ROBO2: variants seen among roughly 807,000 people sequenced by gnomAD.
ROBO2 encodes roundabout guidance receptor 2.
In ROBO2, 53 loss-of-function variants were observed where a neutral mutation model predicts 160.8. The ratio of observed to expected loss-of-function variants is 0.33; its 90% CI spans 0.26 to 0.41. ROBO2 has a LOEUF of 0.41. Among genes scored for constraint, ROBO2 ranks in the 10% least tolerant of loss-of-function variants. The pLI is 1.00. For synonymous variants in ROBO2, 664 were observed against 611.7 expected (o/e 1.09, Z -1.26); for missense variants, 1,577 against 1,722.4 (o/e 0.92, Z 1.49).
chr3:76,847,536 A>T (rs917853958), intron 2 of ROBO2, among the ~76,000 whole-genome samples: 3 of 152,180 alleles, frequency 2.0e-5, no homozygotes, highest in African/African-American at 4.8e-5. Flanking sequence ...AAAATAAAAA[A>T]TCTTGTAAGA....
At chr3:76,387,563 G>A (rs192327626) in intron 2 of ROBO2, among the ~76,000 whole-genome samples, 1 of 152,258 alleles carries the variant, frequency 6.6e-6, no homozygotes, top group Non-Finnish European at 1.5e-5. Flanking sequence ...CTGAATGAAT[G>A]TGCCAGATAT....
At chr3:77,360,400 G>T (rs1581332627) in intron 2 of ROBO2, among the ~76,000 whole-genome samples, 1 of 152,174 alleles carries the variant, frequency 6.6e-6, no homozygotes, top group Admixed American at 6.5e-5. Context: ...GGGTGGAGAG[G>T]AAAGGTGGGA....
intron 2 of ROBO2, among the ~76,000 whole-genome samples, chr3:76,184,974 A>C (rs1423271020): frequency 6.6e-6 from 1 of 151,308 alleles, no homozygotes; most frequent in Non-Finnish European, 1.5e-5. Flanking sequence ...TACCTAGTCC[A>C]CTCAGATTCA....
Position 76,079,124 on chromosome 3 carries a change from C to T in ROBO2, c.109+141522C>T, listed in dbSNP as rs1002605793. Among the ~76,000 whole-genome samples, 19 of 152,146 alleles carry T rather than the reference C, an allele frequency of 1.2e-4. No individual in the cohort carries two copies. The East Asian group carries it at 3.7e-3, about 29-fold the overall frequency. On this transcript the variant is annotated intron_variant, in intron 2 of 26. Coordinates refer to the ROBO2 transcript ENST00000487694. ...AATTGATCTTATAGATATAGGAAAA[C>T]AATGGTTATAATAAACTGGGAAGGG...
At chr3:77,332,575 TAA>T (rs768904062) in intron 2 of ROBO2, among the ~76,000 whole-genome samples, 42 of 152,314 alleles carry the variant, frequency 2.8e-4, no homozygotes, top group Admixed American at 1.2e-3. Flanking sequence ...GTTATGCACA[TAA>T]CATAGCATAA....
At chr3:76,409,959 C>T (rs997904100) in intron 2 of ROBO2, among the ~76,000 whole-genome samples, 4 of 152,094 alleles carry the variant, frequency 2.6e-5, no homozygotes, top group Non-Finnish European at 5.9e-5. Context: ...TTTATAATTG[C>T]TCATTTTATA....
intron 2 of ROBO2, among the ~76,000 whole-genome samples, chr3:76,374,997 C>A (rs1001952614): frequency 2.0e-5 from 3 of 150,970 alleles, no homozygotes; most frequent in African/African-American, 7.3e-5. Flanking sequence ...TTATAAGAAC[C>A]CCTCCAGAGT....
intron 2 of ROBO2, among the ~76,000 whole-genome samples, chr3:77,256,762 A>G (rs1334959223): frequency 1.3e-5 from 2 of 152,184 alleles, no homozygotes; most frequent in Non-Finnish European, 2.9e-5. Context: ...ACACCAAAAC[A>G]AACAAACTCT....
At chr3:76,948,866 G>A (rs1444980422) in intron 2 of ROBO2, among the ~76,000 whole-genome samples, 4 of 112,418 alleles carry the variant, frequency 3.6e-5, no homozygotes, top group South Asian at 2.8e-4. Context: ...CACCACACCC[G>A]GCTAATTTTA....
chr3:76,684,229 T>A (rs2092637134), intron 2 of ROBO2, among the ~76,000 whole-genome samples: 1 of 152,152 alleles, frequency 6.6e-6, no homozygotes, highest in South Asian at 2.1e-4. Flanking sequence ...CCCTTTCTTC[T>A]CTCTTGTTCT....
chr3:76,744,269 T>C (rs1027618661), intron 2 of ROBO2, among the ~76,000 whole-genome samples: 1 of 152,092 alleles, frequency 6.6e-6, no homozygotes, highest in African/African-American at 2.4e-5. Context: ...AGGTTTCTTC[T>C]CCGCCTGTTA....
intron 2 of ROBO2, among the ~76,000 whole-genome samples, chr3:76,083,542 G>A (rs2068908066): frequency 6.6e-6 from 1 of 152,022 alleles, no homozygotes; most frequent in African/African-American, 2.4e-5. Flanking sequence ...TGTGATTTTT[G>A]CATTTTAAAT....
chr3:76,232,733 G>A (rs1304399450), intron 2 of ROBO2, among the ~76,000 whole-genome samples: 1 of 152,102 alleles, frequency 6.6e-6, no homozygotes, highest in African/African-American at 2.4e-5. Flanking sequence ...ACAGATTACA[G>A]CCAGGCATTT....
At chr3:76,437,199 G>A (rs1022962277) in intron 2 of ROBO2, among the ~76,000 whole-genome samples, 3 of 152,050 alleles carry the variant, frequency 2.0e-5, no homozygotes, top group Non-Finnish European at 2.9e-5. Context: ...ACATAATTCG[G>A]TATAGAATGG....
chr3:76,434,772 T>G, intron 2 of ROBO2: 2 of 1,238,586 alleles, frequency 1.6e-6, no homozygotes, highest in Non-Finnish European at 1.2e-6. Context: ...CTCAGCCCTG[T>G]TTGCGCAGAT....
At chr3:77,639,099 G>A (rs2095310744) in intron 24 of ROBO2, among the ~76,000 whole-genome samples, 1 of 151,988 alleles carries the variant, frequency 6.6e-6, no homozygotes, top group Non-Finnish European at 1.5e-5. Flanking sequence ...CAAAGTGCCA[G>A]GATTATAGGC....
At chr3:76,265,272 A>G (rs901171670) in intron 2 of ROBO2, among the ~76,000 whole-genome samples, 1 of 151,958 alleles carries the variant, frequency 6.6e-6, no homozygotes, top group African/African-American at 2.4e-5. Flanking sequence ...CAAAACACTC[A>G]TCTTCGTCTA....
chr3:76,012,894 TG>T (rs1194463253), intron 2 of ROBO2, among the ~76,000 whole-genome samples: 1 of 150,630 alleles, frequency 6.6e-6, no homozygotes, highest in Non-Finnish European at 1.5e-5. Flanking sequence ...AGAAGTAATA[TG>T]TATAAAGGCA....
At chr3:77,253,043 A>G (rs547641999) in intron 2 of ROBO2, among the ~76,000 whole-genome samples, 3 of 151,942 alleles carry the variant, frequency 2.0e-5, no homozygotes, top group African/African-American at 7.2e-5. Flanking sequence ...GATCTAAGTT[A>G]AAGAGAACTA....
Sources: gnomAD v4.1 joint callset for allele counts (sites outside exome capture counted in the v4.1 genomes callset) on GRCh38, gnomAD v4.1.1 for gene constraint, MANE v1.5 for transcripts, NCBI Gene and HGNC (gene_info 2026-07-23, HGNC 2026-07-21) for gene names.